Variants in ANKRD11 observed in about 807,000 individuals in gnomAD.
ANKRD11 encodes ankyrin repeat domain-containing protein 11.
ANKRD11 carries 17 observed loss-of-function variants against 195.7 expected under a neutral mutation model. The ratio of observed to expected loss-of-function variants is 0.09; its 90% CI spans 0.06 to 0.13. ANKRD11 has a LOEUF of 0.13. Ranked by LOEUF, ANKRD11 falls within the 10% of genes least tolerant of loss-of-function variation. The pLI is 1.00. For missense variants in ANKRD11, 3,735 were observed against 3,566.1 expected, an observed-to-expected ratio of 1.05 and a Z score of -1.21; for synonymous variants, 1,953 against 1,528.1, an observed-to-expected ratio of 1.28 and a Z score of -6.49.
chr16:89,326,515 CA>C (rs1024576890), intron 2 of ANKRD11, among the ~76,000 whole-genome samples: 1 of 152,094 alleles, frequency 6.6e-6, no homozygotes, highest in African/African-American at 2.4e-5. Context: ...GAGGCCAAGG[CA>C]GGGGGGTCAT....
chr16:89,377,408 G>A (rs2152095760), intron 2 of ANKRD11, among the ~76,000 whole-genome samples: 1 of 152,082 alleles, frequency 6.6e-6, no homozygotes, highest in Admixed American at 6.5e-5. Context: ...TGGAGGTTGT[G>A]TGTGATTCCA....
chr16:89,311,529 A>G (rs1332256191), intron 3 of ANKRD11, among the ~76,000 whole-genome samples: 2 of 152,314 alleles, frequency 1.3e-5, no homozygotes, highest in Non-Finnish European at 2.9e-5. Flanking sequence ...CTCACACCAC[A>G]TACAAAACAT....
rs539389500 is a variant in ANKRD11, at chr16:89,368,536, C to G, written c.-60+49748G>C. ...CGCCCAGCCCAGAGCTTCTTTTGTG[C>G]AGCATTTTCTCTTGCTCTCAATTTA... is the stretch of plus-strand genomic sequence containing the variant. On this transcript the variant is annotated intron_variant, in intron 2 of 12. Coordinates refer to ENST00000301030, the MANE Select transcript of ANKRD11 (RefSeq NM_013275.6). Among the ~76,000 whole-genome samples the G allele has an allele frequency of 1.9e-4, 28 of 150,902 alleles. No individual in the cohort carries two copies. The East Asian group carries it at 5.3e-3, about 28-fold the overall frequency.
intron 2 of ANKRD11, among the ~76,000 whole-genome samples, chr16:89,321,450 C>T (rs1316463287): frequency 2.0e-4 from 4 of 19,532 alleles, no homozygotes; most frequent in South Asian, 1.6e-3. Flanking sequence ...GGGTGTGGGG[C>T]GGGAGCTGCG....
At chr16:89,377,478 G>C (rs533312512) in intron 2 of ANKRD11, among the ~76,000 whole-genome samples, 1 of 151,960 alleles carries the variant, frequency 6.6e-6, no homozygotes, top group African/African-American at 2.4e-5. Flanking sequence ...GTGGGCCGGG[G>C]CAGGAGGGCT....
In ANKRD11 at chr16:89,291,052, G is replaced by T. The variant is rs763035592; in HGVS notation, c.358C>A (p.Leu120Ile). Residue 120 changes from leucine to isoleucine, a missense_variant, in exon 5 of 13, where the codon CTC (leucine) becomes ATC (isoleucine). Coordinates refer to ENST00000301030, the MANE Select transcript of ANKRD11 (RefSeq NM_013275.6). The surrounding 1 kb of genome is among the most constrained non-coding windows in gnomAD (Gnocchi z 5.3). ...PLSERQQVAL[L>I]MQMTAEESAN... The stretch of plus-strand genomic sequence containing the variant: ...GACTCCTCGGCCGTCATCTGCATGA[G>T]AAGGGCCACCTGCTGGCGCTCGGAG... 1 of 1,613,206 alleles carries T rather than the reference G, an allele frequency of 6.2e-7. No homozygotes were observed. Among genetic ancestry groups the T allele is most frequent in the Admixed American group, 1.7e-5 (1 of 60,024 alleles).
intron 1 of ANKRD11, among the ~76,000 whole-genome samples, chr16:89,462,397 G>C (rs572653917): frequency 1.3e-5 from 2 of 152,224 alleles, no homozygotes; most frequent in Non-Finnish European, 1.5e-5. Context: ...CTGGAGTGCA[G>C]TGGCATGATC....
intron 1 of ANKRD11, among the ~76,000 whole-genome samples, chr16:89,428,485 C>CA (rs2042825448): frequency 6.6e-6 from 1 of 151,774 alleles, no homozygotes; most frequent in South Asian, 2.1e-4. Context: ...GAGACTGCGC[C>CA]CTACACTCCA....
At position 89,281,633 on chromosome 16, in the gene ANKRD11, T is replaced by C. The variant is rs2151747724; in HGVS notation, c.4909A>G (p.Ile1637Val). 1.2e-6 allele frequency: 2 copies of C among 1,614,208 alleles called. No individual in the cohort carries two copies. Among genetic ancestry groups the C allele is most frequent in the South Asian group, 2.2e-5 (2 of 91,084 alleles). Reference sequence around the variant, plus strand: ...AGCCCCGGCGGTTTCTTAGCAGGAATGTCCAGACCCTTCTTCCGCCCGTCG... The same window carrying C: ...AGCCCCGGCGGTTTCTTAGCAGGAACGTCCAGACCCTTCTTCCGCCCGTCG... The part of the protein sequence containing the change: ...ADDGRKKGLD[I>V]PAKKPPGLDP... The change falls in exon 9 of 13, where the codon ATT (isoleucine) becomes GTT (valine). Residue 1637 changes from isoleucine (I) to valine (V), a missense_variant. Ile to Val is a conservative substitution (Grantham distance 29). Coordinates refer to ENST00000301030, the MANE Select transcript of ANKRD11 (RefSeq NM_013275.6). The surrounding 1 kb of genome is among the most constrained non-coding windows in gnomAD (Gnocchi z 5.5).
chr16:89,288,498 C>T (rs201855376), intron 7 of ANKRD11, 30 bp downstream of exon 7: 26 of 1,613,936 alleles, frequency 1.6e-5, no homozygotes, highest in Admixed American at 3.3e-5. Flanking sequence ...CAGGACAGGC[C>T]GGATGTGTGA....
At chr16:89,467,384 G>C (rs2056921934) in intron 1 of ANKRD11, among the ~76,000 whole-genome samples, 1 of 152,198 alleles carries the variant, frequency 6.6e-6, no homozygotes, top group Non-Finnish European at 1.5e-5. Context: ...TGAGGCTGCA[G>C]TGAGCTGTGA....
chr16:89,482,148 A>C (rs1270740355), intron 1 of ANKRD11, among the ~76,000 whole-genome samples: 6 of 152,036 alleles, frequency 3.9e-5, no homozygotes, highest in Admixed American at 2.0e-4. Flanking sequence ...GAAAAAGCAG[A>C]GTTTGTCTAG....
chr16:89,484,477 G>A (rs2057542028), intron 1 of ANKRD11, among the ~76,000 whole-genome samples: 1 of 152,092 alleles, frequency 6.6e-6, no homozygotes, highest in African/African-American at 2.4e-5. Context: ...TAAAACCTCA[G>A]GAACCAAGCA....
rs904218217 is a variant in ANKRD11, at chr16:89,291,806, A to G, written c.227-623T>C. ...AAGGCATCAACACAGAGCACTAACA[A>G]GACACGGTGTGAGAGCTCGGCTGTT... is the stretch of plus-strand genomic sequence containing the variant. On this transcript the variant is annotated intron_variant, in intron 4 of 12. Coordinates refer to ENST00000301030, the MANE Select transcript of ANKRD11 (RefSeq NM_013275.6). The surrounding 1 kb of genome is among the most constrained non-coding windows in gnomAD (Gnocchi z 5.3). 42 of 1,280,132 alleles carry G rather than the reference A, an allele frequency of 3.3e-5. No individual in the cohort carries two copies. The highest frequency in any genetic ancestry group is 4.1e-5 in the Non-Finnish European group (40 of 980,280). The allele number at this position is 1,280,132 out of a possible 1,614,324, so 79.3% of individuals were successfully genotyped here. A position where few individuals can be genotyped will look rare whatever the true frequency, so the allele number is the denominator to read the frequency against.
At chr16:89,488,056 G>A (rs1486874709) in intron 1 of ANKRD11, among the ~76,000 whole-genome samples, 1 of 152,170 alleles carries the variant, frequency 6.6e-6, no homozygotes, top group Non-Finnish European at 1.5e-5. Flanking sequence ...AGCTGCAAAA[G>A]AGGAACTCAG....
chr16:89,327,186 G>C (rs957301113), intron 2 of ANKRD11, among the ~76,000 whole-genome samples: 2 of 152,174 alleles, frequency 1.3e-5, no homozygotes, highest in African/African-American at 2.4e-5. Context: ...ATCAGTCAAC[G>C]TCACCCAGCA....
intron 2 of ANKRD11, among the ~76,000 whole-genome samples, chr16:89,364,428 A>G (rs1287998788): frequency 1.3e-5 from 2 of 152,256 alleles, no homozygotes; most frequent in African/African-American, 2.4e-5. Context: ...CGGTAAGAAC[A>G]AGCTGAAATA....
intron 1 of ANKRD11, among the ~76,000 whole-genome samples, chr16:89,440,582 C>T (rs912866925): frequency 6.6e-6 from 1 of 152,090 alleles, no homozygotes; most frequent in Non-Finnish European, 1.5e-5. Context: ...CCAATGCACT[C>T]CAACCTGGAT....
chr16:89,363,065 T>TAAAA (rs2039799640), intron 2 of ANKRD11, among the ~76,000 whole-genome samples: 1 of 152,124 alleles, frequency 6.6e-6, no homozygotes, highest in Admixed American at 6.5e-5. Flanking sequence ...GCAGAAGGTA[T>TAAAA]AAAAAATGGC....
Sources: allele counts gnomAD v4.1 joint callset (sites outside exome capture counted in the v4.1 genomes callset), GRCh38; gene constraint gnomAD v4.1.1; non-coding constraint Gnocchi (gnomAD v3.1); transcripts MANE v1.5; gene names NCBI Gene and HGNC (gene_info 2026-07-23, HGNC 2026-07-21).